The following NEURL1 variants were observed in gnomAD, a reference collection of about 807,000 sequenced individuals.
NEURL1 encodes the protein E3 ubiquitin-protein ligase NEURL1.
NEURL1 carries 26 observed loss-of-function variants against 41.2 expected under a neutral mutation model. The observed-to-expected ratio is 0.63, with a 90% CI of 0.46 to 0.87. The LOEUF (loss-of-function observed/expected upper bound fraction) is 0.87. Ranked by LOEUF, NEURL1 falls within the 40% of genes least tolerant of loss-of-function variation. NEURL1 has a pLI of 0.00. For synonymous variants in NEURL1, 400 were observed against 402.3 expected (o/e 0.99, Z 0.07); for missense variants, 761 against 871.1 (o/e 0.87, Z 1.59).
chr10:103,519,401 T>A (rs2034294030), intron 1 of NEURL1, among the ~76,000 whole-genome samples: 3 of 152,238 alleles, frequency 2.0e-5, no homozygotes, highest in Admixed American at 2.0e-4. Flanking sequence ...TGATACGTGA[T>A]TGCCAGTGGT....
At chr10:103,539,087 C>T (rs985845963) in intron 1 of NEURL1, among the ~76,000 whole-genome samples, 15 of 152,054 alleles carry the variant, frequency 9.9e-5, no homozygotes, top group African/African-American at 3.6e-4. Context: ...GCTGGGACTA[C>T]AGGCATACAC....
chr10:103,568,038 C>T (rs148559623), intron 1 of NEURL1, among the ~76,000 whole-genome samples: 18 of 152,232 alleles, frequency 1.2e-4, no homozygotes, highest in Admixed American at 2.6e-4. Context: ...CTCAGGGATA[C>T]GGGAGAGGAT....
rs2035871984 is a variant in NEURL1 at position 103,584,866 on chromosome 10, T to C, written c.980T>C (p.Phe327Ser). Residue 327 changes from phenylalanine to serine, a missense_variant, in exon 4 of 6, where the codon TTC becomes TCC. Physicochemically the swap from Phe to Ser is radical, Grantham distance 155. Around this residue, in one of 5 missense-constraint regions of NEURL1, gnomAD observed 443 missense variants for 408.1 expected, o/e 1.09. Coordinates refer to ENST00000369780, the MANE Select transcript of NEURL1 (RefSeq NM_004210.5). The part of the protein sequence containing the change: ...EHGRDERALV[F>S]TSRPVRVAET... ...GGGCGCGACGAGCGCGCGCTCGTCT[T>C]CACCAGCCGGCCCGTGCGCGTGGCC... 1 of 1,400,106 alleles carries C rather than the reference T, an allele frequency of 7.1e-7. No homozygotes were observed. The highest frequency in any genetic ancestry group is 9.2e-7 in the Non-Finnish European group (1 of 1,084,664). The allele number at this position is 1,400,106 out of a possible 1,614,324, so 86.7% of individuals were successfully genotyped here. A position where few individuals can be genotyped will look rare whatever the true frequency, so the allele number is the denominator to read the frequency against.
In NEURL1 at chr10:103,570,909, A is replaced by T. The variant is rs1263288179; in HGVS notation, c.123A>T (p.Arg41=). ...IGGPFPVTSH[R]CHHKQKHCPA... is the part of the protein sequence containing the mutation. ...GCCCCTTCCCCGTCACTTCTCACCG[A>T]TGCCACCACAAGCAGAAGCACTGTC... is the stretch of plus-strand genomic sequence containing the variant. Residue 41 remains arginine, a synonymous_variant, in exon 2 of 6, where the codon CGA becomes CGT. Transcript: ENST00000369780. 1 of 1,613,614 alleles carries T rather than the reference A, an allele frequency of 6.2e-7. No individual in the cohort carries two copies. Among genetic ancestry groups the T allele is most frequent in the Admixed American group, 1.7e-5 (1 of 60,010 alleles).
chr10:103,583,250 T>C (rs554738401), intron 3 of NEURL1, among the ~76,000 whole-genome samples: 68 of 152,306 alleles, frequency 4.5e-4, no homozygotes, highest in African/African-American at 1.4e-3. Context: ...TCCTTGCCCA[T>C]GAATGGCTTC....
intron 3 of NEURL1, among the ~76,000 whole-genome samples, chr10:103,583,097 T>G (rs2035817751): frequency 6.6e-6 from 1 of 152,124 alleles, no homozygotes; most frequent in East Asian, 1.9e-4. Context: ...AAGCAGAACA[T>G]AACACAGCCA....
chr10:103,523,268 A>C (rs2034393336), intron 1 of NEURL1, among the ~76,000 whole-genome samples: 1 of 152,008 alleles, frequency 6.6e-6, no homozygotes, highest in African/African-American at 2.4e-5. Flanking sequence ...CAGCATGGGC[A>C]ACATAGTGAG....
intron 1 of NEURL1, among the ~76,000 whole-genome samples, chr10:103,563,272 G>A (rs2035345093): frequency 6.6e-6 from 1 of 152,172 alleles, no homozygotes; most frequent in South Asian, 2.1e-4. Context: ...ACTTACCGGG[G>A]CCTCACTACA....
chr10:103,557,872 T>C (rs1475899395), intron 1 of NEURL1, among the ~76,000 whole-genome samples: 2 of 152,052 alleles, frequency 1.3e-5, no homozygotes, highest in African/African-American at 4.8e-5. Flanking sequence ...GATTGTATTA[T>C]CTTTTCTTTT....
intron 1 of NEURL1, among the ~76,000 whole-genome samples, chr10:103,513,394 G>C (rs1477820428): frequency 6.6e-6 from 1 of 152,234 alleles, no homozygotes; most frequent in Non-Finnish European, 1.5e-5. Context: ...TCACTGGGAG[G>C]TATTGGGGGC....
intron 1 of NEURL1, among the ~76,000 whole-genome samples, chr10:103,561,909 A>G (rs2133872973): frequency 6.6e-6 from 1 of 152,262 alleles, no homozygotes; most frequent in South Asian, 2.1e-4. Flanking sequence ...TGCTCCCTTT[A>G]TTCCTTTCTT....
At chr10:103,562,214 C>T (rs778082006) in intron 1 of NEURL1, among the ~76,000 whole-genome samples, 1 of 152,178 alleles carries the variant, frequency 6.6e-6, no homozygotes, top group Non-Finnish European at 1.5e-5. Context: ...AAAACCCCGT[C>T]TCTACTAAAA....
rs117286909 is a variant in NEURL1 at position 103,519,522 on chromosome 10, C to T, written c.85+25050C>T. Among the ~76,000 whole-genome samples, 72 of 152,302 alleles carry T rather than the reference C, an allele frequency of 4.7e-4. 1 individual carries two copies. In the East Asian group the frequency reaches 0.014, roughly 29 times the overall value. The stretch of plus-strand genomic sequence containing the variant: ...TGCATAATATAACCACAGTGGAGTC[C>T]TGGGCTCACCTGCCTTGGTGCAAGT... On this transcript the variant is annotated intron_variant, in intron 1 of 5. Coordinates refer to ENST00000369780, the MANE Select transcript of NEURL1 (RefSeq NM_004210.5).
At chr10:103,529,871 C>T (rs1227575282) in intron 1 of NEURL1, among the ~76,000 whole-genome samples, 1 of 152,116 alleles carries the variant, frequency 6.6e-6, no homozygotes, top group African/African-American at 2.4e-5. Flanking sequence ...GAAGATGTTA[C>T]TGGAAAGCGG....
intron 1 of NEURL1, among the ~76,000 whole-genome samples, chr10:103,562,989 A>G (rs2035337214): frequency 6.6e-6 from 1 of 152,268 alleles, no homozygotes; most frequent in East Asian, 1.9e-4. Context: ...ACCAGGAGTC[A>G]GGCATCCCCA....
chr10:103,577,178 CT>C (rs1235994335), intron 3 of NEURL1, among the ~76,000 whole-genome samples: 5 of 152,178 alleles, frequency 3.3e-5, no homozygotes, highest in South Asian at 2.1e-4. Flanking sequence ...AAAAATCTTG[CT>C]TTTCCTTCTG....
chr10:103,546,875 C>T (rs976302280), intron 1 of NEURL1, among the ~76,000 whole-genome samples: 3 of 152,178 alleles, frequency 2.0e-5, no homozygotes, highest in Admixed American at 1.3e-4. Context: ...GGAAGAAGCC[C>T]CCAGATAGAA....
chr10:103,502,377 C>T (rs2033844865), intron 1 of NEURL1, among the ~76,000 whole-genome samples: 1 of 152,174 alleles, frequency 6.6e-6, no homozygotes, highest in Non-Finnish European at 1.5e-5. Context: ...CCAGCACTGT[C>T]AGGTTCCATT....
At chr10:103,538,364 A>G (rs1469242997) in intron 1 of NEURL1, among the ~76,000 whole-genome samples, 1 of 152,166 alleles carries the variant, frequency 6.6e-6, no homozygotes, top group Non-Finnish European at 1.5e-5. Flanking sequence ...TGAGGTCAGG[A>G]GTTCAAGACC....
Sources: gnomAD v4.1 joint callset for allele counts (sites outside exome capture counted in the v4.1 genomes callset) on GRCh38, gnomAD v4.1.1 for gene constraint, gnomAD v4.1.1 regional missense constraint, MANE v1.5 for transcripts, NCBI Gene and HGNC (gene_info 2026-07-23, HGNC 2026-07-21) for gene names.